Variants in C10orf90 observed in about 807,000 individuals in gnomAD.
C10orf90 encodes (E2-independent) E3 ubiquitin-conjugating enzyme FATS.
A neutral mutation model predicts 62.5 loss-of-function variants in C10orf90; 56 were observed. The observed-to-expected ratio is 0.90, with a 90% CI of 0.72 to 1.12. The LOEUF is 1.12. Among genes scored for constraint, C10orf90 ranks in the 50% most tolerant of loss-of-function variants. The pLI, the probability that C10orf90 is intolerant of heterozygous loss-of-function variation, is 0.00. For missense variants in C10orf90, 970 were observed against 880.4 expected, an observed-to-expected ratio of 1.10 and a Z score of -1.29; for synonymous variants, 386 against 340.4, an observed-to-expected ratio of 1.13 and a Z score of -1.47.
chr10:126,459,504 C>T (rs1859821435), intron 6 of C10orf90, among the ~76,000 whole-genome samples: 2 of 152,216 alleles, frequency 1.3e-5, no homozygotes, highest in African/African-American at 4.8e-5. Context: ...GCAACGTCTG[C>T]CCATTCATCT....
intron 7 of C10orf90, among the ~76,000 whole-genome samples, chr10:126,434,384 G>A (rs1317604759): frequency 1.3e-5 from 2 of 152,170 alleles, no homozygotes; most frequent in Non-Finnish European, 2.9e-5. Context: ...CCTCCATGCA[G>A]AGCCCTTATC....
At chr10:126,607,333 C>G (rs992931146) in intron 2 of C10orf90, among the ~76,000 whole-genome samples, 5 of 152,174 alleles carry the variant, frequency 3.3e-5, no homozygotes, top group African/African-American at 1.2e-4. Context: ...ATCATTTGTA[C>G]AATTGTTACT....
intron 2 of C10orf90, among the ~76,000 whole-genome samples, chr10:126,612,587 C>A (rs1422026232): frequency 6.6e-6 from 1 of 152,134 alleles, no homozygotes; most frequent in Non-Finnish European, 1.5e-5. Context: ...CTTAGGGATG[C>A]CAGATAAAAG....
chr10:126,506,763 G>A (rs1862758379), intron 3 of C10orf90, among the ~76,000 whole-genome samples: 1 of 152,212 alleles, frequency 6.6e-6, no homozygotes, highest in Admixed American at 6.5e-5. Context: ...ATGTGTGTTG[G>A]AAGCAGGGTA....
intron 4 of C10orf90, among the ~76,000 whole-genome samples, chr10:126,491,623 T>C (rs1292303149): frequency 1.3e-5 from 2 of 152,204 alleles, no homozygotes; most frequent in Admixed American, 6.5e-5. Context: ...TCTGAAAGAT[T>C]CCTCATCCTT....
At chr10:126,657,870 C>G (rs1257335412) in intron 1 of C10orf90, among the ~76,000 whole-genome samples, 1 of 152,140 alleles carries the variant, frequency 6.6e-6, no homozygotes, top group African/African-American at 2.4e-5. Flanking sequence ...CCTGCCTCGG[C>G]CTCCCAATGT....
At chr10:126,485,777 A>T (rs1348407875) in intron 4 of C10orf90, among the ~76,000 whole-genome samples, 5 of 88,516 alleles carry the variant, frequency 5.6e-5, no homozygotes, top group Non-Finnish European at 8.5e-5. Context: ...TATCTCTATT[A>T]AAAAAAAAAA....
chr10:126,472,396 A>G (rs941837910), intron 4 of C10orf90, among the ~76,000 whole-genome samples: 2 of 152,198 alleles, frequency 1.3e-5, no homozygotes, highest in African/African-American at 4.8e-5. Flanking sequence ...ACATTAATAT[A>G]TGAGCTTTTT....
chr10:126,657,566 T>C (rs577163917), intron 1 of C10orf90, among the ~76,000 whole-genome samples: 1 of 152,304 alleles, frequency 6.6e-6, no homozygotes, highest in African/African-American at 2.4e-5. Context: ...TTTGTGGGGC[T>C]GTGCTTTTGA....
At chr10:126,627,003 T>TTC (rs1845759075) in intron 2 of C10orf90, among the ~76,000 whole-genome samples, 2 of 145,182 alleles carry the variant, frequency 1.4e-5, no homozygotes, top group African/African-American at 2.5e-5. Context: ...TTCTTTTCTT[T>TTC]TTTTTTTTTT....
chr10:126,493,392 G>T (rs1412127238), intron 4 of C10orf90, among the ~76,000 whole-genome samples: 6 of 147,624 alleles, frequency 4.1e-5, no homozygotes, highest in African/African-American at 1.3e-4. Context: ...ACAGGGTCTC[G>T]CTCTGTCGCC....
intron 2 of C10orf90, among the ~76,000 whole-genome samples, chr10:126,580,847 G>A (rs531560845): frequency 6.6e-6 from 1 of 151,982 alleles, no homozygotes; most frequent in Admixed American, 6.6e-5. Flanking sequence ...GTATGAGTGT[G>A]TGTCTGTGCA....
intron 2 of C10orf90, among the ~76,000 whole-genome samples, chr10:126,519,567 T>C (rs1258126798): frequency 1.3e-5 from 2 of 152,232 alleles, no homozygotes; most frequent in Admixed American, 6.5e-5. Context: ...CTCTTATTTG[T>C]AGTCTTATGG....
intron 4 of C10orf90, among the ~76,000 whole-genome samples, chr10:126,484,115 T>C (rs1861303625): frequency 6.6e-6 from 1 of 152,136 alleles, no homozygotes; most frequent in African/African-American, 2.4e-5. Flanking sequence ...AAGTTATCCT[T>C]CTCTTCACTG....
chr10:126,458,526 CAGTG>C (rs950763168), intron 7 of C10orf90, among the ~76,000 whole-genome samples: 7 of 152,326 alleles, frequency 4.6e-5, no homozygotes, highest in East Asian at 1.9e-4. Context: ...ACTCCCTCTC[CAGTG>C]AGTAAGTAAG....
chr10:126,537,304 C>T (rs905551181), intron 2 of C10orf90, among the ~76,000 whole-genome samples: 1 of 152,186 alleles, frequency 6.6e-6, no homozygotes, highest in African/African-American at 2.4e-5. Flanking sequence ...CCTCAGTTCT[C>T]TAAATGTAGC....
intron 4 of C10orf90, among the ~76,000 whole-genome samples, chr10:126,489,399 G>A (rs567673274): frequency 4.7e-4 from 71 of 152,170 alleles, no homozygotes; most frequent in African/African-American, 1.7e-3. Flanking sequence ...GAATAAAAAT[G>A]GGCAAAGGAC....
chr10:126,623,961 GGAAT>G (rs1237818381), intron 2 of C10orf90, among the ~76,000 whole-genome samples: 3 of 152,128 alleles, frequency 2.0e-5, no homozygotes, highest in African/African-American at 7.2e-5. Flanking sequence ...AAATATTTGT[GGAAT>G]GAATGACTCC....
chr10:126,606,519 C>A (rs963848658), intron 2 of C10orf90, among the ~76,000 whole-genome samples: 2 of 152,186 alleles, frequency 1.3e-5, no homozygotes, highest in Non-Finnish European at 2.9e-5. Context: ...GGCTCTCCAA[C>A]ACTGACTTTC....
Sources: allele counts gnomAD v4.1 joint callset (sites outside exome capture counted in the v4.1 genomes callset), GRCh38; gene constraint gnomAD v4.1.1; transcripts MANE v1.5; gene names NCBI Gene and HGNC (gene_info 2026-07-23, HGNC 2026-07-21).